Variants in AUTS2 observed in about 807,000 individuals in gnomAD.
The protein encoded by AUTS2 is activator of transcription and developmental regulator AUTS2.
A neutral mutation model predicts 112.4 loss-of-function variants in AUTS2; 17 were observed. The observed-to-expected ratio is 0.15, with a 90% CI of 0.10 to 0.23. The LOEUF (loss-of-function observed/expected upper bound fraction) is 0.23. Ranked by LOEUF, AUTS2 falls within the 10% of genes least tolerant of loss-of-function variation. The pLI is 1.00. For synonymous variants in AUTS2, 751 were observed against 702.7 expected (o/e 1.07, Z -1.09); for missense variants, 1,510 against 1,701.6 (o/e 0.89, Z 1.98).
chr7:70,536,572 CTTTT>C (rs34639179), intron 5 of AUTS2, among the ~76,000 whole-genome samples: 2 of 49,048 alleles, frequency 4.1e-5, no homozygotes, highest in African/African-American at 1.7e-4. Context: ...GAAGCCAAGG[CTTTT>C]TTTTTTTTTT....
At chr7:69,795,629 C>T (rs1387705082) in intron 1 of AUTS2, among the ~76,000 whole-genome samples, 1 of 152,184 alleles carries the variant, frequency 6.6e-6, no homozygotes, top group Non-Finnish European at 1.5e-5. Flanking sequence ...TGAATGAGAG[C>T]AGTGGCAGCA....
chr7:69,913,956 C>G (rs1795460937), intron 2 of AUTS2, among the ~76,000 whole-genome samples: 1 of 152,174 alleles, frequency 6.6e-6, no homozygotes, highest in Admixed American at 6.5e-5. Flanking sequence ...TGAGATCCTT[C>G]TAGTCCTTTA....
At chr7:70,520,702 G>A (rs546047564) in intron 5 of AUTS2, among the ~76,000 whole-genome samples, 2 of 152,324 alleles carry the variant, frequency 1.3e-5, no homozygotes, top group African/African-American at 4.8e-5. Flanking sequence ...TTGTCTGGGT[G>A]CTCACTGCCC....
At chr7:69,886,830 C>T (rs115948098) in intron 1 of AUTS2, among the ~76,000 whole-genome samples, 4,754 of 146,192 alleles carry the variant, frequency 0.033, 121 homozygotes, top group Middle Eastern at 0.09. Flanking sequence ...ATTCTGTCAC[C>T]GAGGCTAGAA....
At chr7:69,755,905 A>C (rs906244905) in intron 1 of AUTS2, among the ~76,000 whole-genome samples, 1 of 152,174 alleles carries the variant, frequency 6.6e-6, no homozygotes, top group Non-Finnish European at 1.5e-5. Context: ...CCGAACTACA[A>C]ACCTGAATGA....
rs571836592 is a variant in AUTS2 at position 70,540,471 on chromosome 7, G to C, written c.690+104690G>C. The stretch of plus-strand genomic sequence containing the variant: ...ACCATTGTAGCTGCCCTACCATTGT[G>C]TGCAGCCCGGGGGAAGCACACAGTC... On this transcript the variant is annotated intron_variant, in intron 5 of 18. Coordinates refer to ENST00000342771, the MANE Select transcript of AUTS2 (RefSeq NM_015570.4). Among the ~76,000 whole-genome samples the C allele has an allele frequency of 6.6e-5, 10 of 152,300 alleles. No homozygotes were observed. The South Asian group carries it at 2.1e-3, about 32-fold the overall frequency.
intron 1 of AUTS2, among the ~76,000 whole-genome samples, 178 bp downstream of exon 1, chr7:69,600,140 A>G (rs1792303458): frequency 2.0e-5 from 3 of 152,040 alleles, no homozygotes; most frequent in Admixed American, 2.0e-4. Context: ...GCAGACAGGC[A>G]GCAGGAGGGA....
chr7:69,868,479 C>T (rs558103189), intron 1 of AUTS2, among the ~76,000 whole-genome samples: 94 of 152,200 alleles, frequency 6.2e-4, no homozygotes, highest in Admixed American at 1.8e-3. Context: ...CTTGATTGAG[C>T]GAAGTTTTTA....
chr7:70,610,635 C>T (rs1804046587), intron 5 of AUTS2, among the ~76,000 whole-genome samples: 1 of 151,904 alleles, frequency 6.6e-6, no homozygotes, highest in African/African-American at 2.4e-5. Context: ...GACCAGGTCT[C>T]ACTATGTTGC....
At chr7:70,603,383 C>T (rs1001817656) in intron 5 of AUTS2, among the ~76,000 whole-genome samples, 1 of 152,212 alleles carries the variant, frequency 6.6e-6, no homozygotes, top group African/African-American at 2.4e-5. Context: ...ATGGATTAAG[C>T]TCTGGACAGA....
chr7:69,871,716 A>T (rs995881268), intron 1 of AUTS2, among the ~76,000 whole-genome samples: 2 of 152,214 alleles, frequency 1.3e-5, no homozygotes, highest in African/African-American at 4.8e-5. Flanking sequence ...TAGCGTGGAC[A>T]TGCTGGACAA....
At chr7:70,508,552 C>T (rs1799060591) in intron 5 of AUTS2, among the ~76,000 whole-genome samples, 1 of 152,106 alleles carries the variant, frequency 6.6e-6, no homozygotes, top group Non-Finnish European at 1.5e-5. Flanking sequence ...TTTCTCTCCC[C>T]AGTAGTCAGT....
At chr7:70,634,682 T>C (rs1805445093) in intron 5 of AUTS2, among the ~76,000 whole-genome samples, 1 of 152,164 alleles carries the variant, frequency 6.6e-6, no homozygotes, top group Admixed American at 6.5e-5. Context: ...CATGTGCATA[T>C]GGACCCACAT....
chr7:69,795,153 C>T (rs779490173), intron 1 of AUTS2, among the ~76,000 whole-genome samples: 24 of 152,136 alleles, frequency 1.6e-4, no homozygotes, highest in Non-Finnish European at 3.2e-4. Context: ...AAGTTTGCTG[C>T]TACTACTGTT....
At chr7:69,719,886 G>A (rs1197467063) in intron 1 of AUTS2, among the ~76,000 whole-genome samples, 5 of 152,148 alleles carry the variant, frequency 3.3e-5, no homozygotes, top group Non-Finnish European at 5.9e-5. Context: ...ATAATTAATA[G>A]CAAGTGGAGT....
chr7:70,520,580 A>G (rs542050882), intron 5 of AUTS2, among the ~76,000 whole-genome samples: 62 of 152,352 alleles, frequency 4.1e-4, no homozygotes, highest in African/African-American at 1.5e-3. Flanking sequence ...TTATTCTACT[A>G]AAAGAGCCTT....
intron 2 of AUTS2, among the ~76,000 whole-genome samples, chr7:69,963,085 ACTGT>A (rs1797495529): frequency 6.6e-6 from 1 of 152,098 alleles, no homozygotes; most frequent in African/African-American, 2.4e-5. Context: ...TTAACAGTAA[ACTGT>A]CTGTTTAAAA....
intron 1 of AUTS2, among the ~76,000 whole-genome samples, chr7:69,659,583 GTT>G (rs58289887): frequency 4.9e-5 from 4 of 81,272 alleles, no homozygotes; most frequent in Admixed American, 1.8e-4. Flanking sequence ...AGGCTTAGTT[GTT>G]TTTTTTTTTT....
intron 1 of AUTS2, among the ~76,000 whole-genome samples, chr7:69,742,727 T>A (rs1787321807): frequency 1.3e-5 from 2 of 152,180 alleles, no homozygotes; most frequent in Admixed American, 6.5e-5. Flanking sequence ...TATACAGTGA[T>A]CATTGTAATA....
Sources: gnomAD v4.1 joint callset for allele counts (sites outside exome capture counted in the v4.1 genomes callset) on GRCh38, gnomAD v4.1.1 for gene constraint, MANE v1.5 for transcripts, NCBI Gene and HGNC (gene_info 2026-07-23, HGNC 2026-07-21) for gene names.